TRAPPC12: variants seen among roughly 807,000 people sequenced by gnomAD.
The protein encoded by TRAPPC12 is trafficking protein particle complex subunit 12.
Under a neutral mutation model 69.2 loss-of-function variants are expected in TRAPPC12, and 61 were observed. The ratio of observed to expected loss-of-function variants is 0.88; its 90% CI spans 0.72 to 1.09. The LOEUF (loss-of-function observed/expected upper bound fraction) is 1.09, where lower values mean the gene tolerates loss of function less well. Ranked by LOEUF, TRAPPC12 falls within the 50% of genes least tolerant of loss-of-function variation. TRAPPC12 has a pLI of 0.00. For synonymous variants in TRAPPC12, 469 were observed against 438.9 expected, an observed-to-expected ratio of 1.07 and a Z score of -0.86; for missense variants, 1,101 against 1,016.4, an observed-to-expected ratio of 1.08 and a Z score of -1.13.
At chr2:3,453,602 A>C (rs188280216) in intron 6 of TRAPPC12, among the ~76,000 whole-genome samples, 2 of 152,144 alleles carry the variant, frequency 1.3e-5, no homozygotes, top group Non-Finnish European at 2.9e-5. Flanking sequence ...CCTCTTCCCA[A>C]ACGAACCGGG....
intron 1 of TRAPPC12, among the ~76,000 whole-genome samples, chr2:3,383,094 A>G (rs1266721673): frequency 6.6e-6 from 1 of 152,186 alleles, no homozygotes; most frequent in Non-Finnish European, 1.5e-5. Flanking sequence ...GTTCAAAGGT[A>G]TACCTCTTTC....
chr2:3,433,162 G>A (rs1040687794), intron 5 of TRAPPC12, among the ~76,000 whole-genome samples: 5 of 152,140 alleles, frequency 3.3e-5, no homozygotes, highest in African/African-American at 4.8e-5. Context: ...TATCCCCAGC[G>A]TTGAGCACAG....
chr2:3,470,686 T>G (rs1666024717), intron 9 of TRAPPC12, among the ~76,000 whole-genome samples: 2 of 152,186 alleles, frequency 1.3e-5, no homozygotes, highest in Admixed American at 6.5e-5. Context: ...CTGAGAAAGA[T>G]ACATACAGCC....
chr2:3,424,608 T>C lies in TRAPPC12; in HGVS notation c.1362T>C (p.Leu454=), dbSNP rs758758201. The C allele has an allele frequency of 1.2e-6, 2 of 1,614,138 alleles. No homozygotes were observed. Among genetic ancestry groups the C allele is most frequent in the Admixed American group, 1.7e-5 (1 of 59,996 alleles). ...TGGAATTTGAACCCTTCGGAAATCT[T>C]GATCAGCCAGATCTTTATTACGAGT... The part of the protein sequence containing the change: ...AEMEFEPFGN[L]DQPDLYYEYY... The change falls in exon 5 of 12, where the codon CTT becomes CTC. Residue 454 remains leucine, a synonymous_variant. Coordinates refer to ENST00000324266, the MANE Select transcript of TRAPPC12 (RefSeq NM_016030.6).
chr2:3,471,247 G>A (rs1269901100), intron 9 of TRAPPC12, among the ~76,000 whole-genome samples: 1 of 152,214 alleles, frequency 6.6e-6, no homozygotes, highest in Non-Finnish European at 1.5e-5. Flanking sequence ...ACTGAGCAAA[G>A]GGTCACCTGT....
chr2:3,401,965 A>G, intron 3 of TRAPPC12, 72 bp downstream of exon 3: 2 of 1,050,106 alleles, frequency 1.9e-6, no homozygotes, highest in Non-Finnish European at 2.7e-6. Context: ...TATTTTCTCT[A>G]GAAGTCAATT....
intron 5 of TRAPPC12, among the ~76,000 whole-genome samples, chr2:3,436,150 C>G (rs897129178): frequency 1.3e-5 from 2 of 152,166 alleles, no homozygotes; most frequent in Non-Finnish European, 2.9e-5. Context: ...AAGACTGCAG[C>G]TGGTCAGAAT....
chr2:3,409,750 TAAAAAAAAAA>T (rs71396989), intron 3 of TRAPPC12, among the ~76,000 whole-genome samples: 55 of 54,914 alleles, frequency 1.0e-3, no homozygotes, highest in Admixed American at 2.5e-3. Context: ...ACTTTGTCTT[TAAAAAAAAAA>T]AAAAAAAAAA....
intron 2 of TRAPPC12, among the ~76,000 whole-genome samples, chr2:3,397,701 G>T (rs1032679997): frequency 2.0e-5 from 3 of 152,198 alleles, no homozygotes; most frequent in Non-Finnish European, 4.4e-5. Flanking sequence ...AACCACAAAG[G>T]ATTATGTAGG....
chr2:3,394,358 C>T (rs1660994887), intron 2 of TRAPPC12, among the ~76,000 whole-genome samples: 2 of 152,172 alleles, frequency 1.3e-5, no homozygotes, highest in Non-Finnish European at 1.5e-5. Flanking sequence ...CATGGTGGCT[C>T]ACACCTGTAA....
rs1175246565 is a variant in TRAPPC12, at chr2:3,442,037, C to T, written c.1418-1742C>T. Among the ~76,000 whole-genome samples the T allele has an allele frequency of 3.9e-5, 6 of 152,206 alleles. No individual in the cohort carries two copies. In the East Asian group the frequency reaches 9.6e-4, roughly 24 times the overall value. ...AGGAGTCACACAGCCTGTTTTCTCA[C>T]CATCCACCAAACTGTATTCCAGATC... On this transcript the variant is annotated intron_variant, in intron 5 of 11. Transcript: ENST00000324266.
chr2:3,415,827 C>T (rs1446444388), intron 3 of TRAPPC12, among the ~76,000 whole-genome samples: 2 of 152,066 alleles, frequency 1.3e-5, no homozygotes, highest in East Asian at 3.9e-4. Flanking sequence ...CACCATTCTC[C>T]TGCCTCAGCC....
At chr2:3,411,292 G>A (rs1403526437) in intron 3 of TRAPPC12, among the ~76,000 whole-genome samples, 1 of 152,200 alleles carries the variant, frequency 6.6e-6, no homozygotes, top group Non-Finnish European at 1.5e-5. Context: ...CAGAGACTGA[G>A]GGCGTCACTG....
chr2:3,404,144 ATGACCCAGATCGCG>A (rs960522853), intron 3 of TRAPPC12, among the ~76,000 whole-genome samples: 1 of 152,104 alleles, frequency 6.6e-6, no homozygotes, highest in African/African-American at 2.4e-5. Flanking sequence ...CCCGGCTGTG[ATGACCCAGATCGCG>A]GTTGTGTGAG....
At chr2:3,386,126 G>A (rs1191874307) in intron 1 of TRAPPC12, among the ~76,000 whole-genome samples, 1 of 152,124 alleles carries the variant, frequency 6.6e-6, no homozygotes, top group African/African-American at 2.4e-5. Context: ...ATAATGTTTT[G>A]GGAAGGCTGA....
intron 2 of TRAPPC12, among the ~76,000 whole-genome samples, chr2:3,393,622 T>C (rs1362690825): frequency 6.6e-6 from 1 of 151,896 alleles, no homozygotes; most frequent in African/African-American, 2.4e-5. Context: ...CTTGAATATA[T>C]ATAATTTGTA....
Position 3,414,184 on chromosome 2 carries a change from G to A in TRAPPC12, c.1165-7697G>A, listed in dbSNP as rs1485040524. Among the ~76,000 whole-genome samples the A allele has an allele frequency of 1.3e-5, 2 of 152,160 alleles. No individual in the cohort carries two copies. Among genetic ancestry groups the A allele is most frequent in the Non-Finnish European group, 2.9e-5 (2 of 68,038 alleles). On this transcript the variant is annotated intron_variant, in intron 3 of 11. Coordinates refer to ENST00000324266, the MANE Select transcript of TRAPPC12 (RefSeq NM_016030.6). The surrounding 1 kb of genome is among the most constrained non-coding windows in gnomAD (Gnocchi z 4.9). ...GGATATAATTAATTTTTAGCACATA[G>A]TATGTTGCATATGTGATTTAATTAT... is the stretch of plus-strand genomic sequence containing the variant.
In TRAPPC12 at chr2:3,388,256, A is replaced by G. The variant is rs775301652; in HGVS notation, c.633A>G (p.Gly211=). The G allele has an allele frequency of 1.6e-4, 254 of 1,608,248 alleles. No homozygotes were observed. Among genetic ancestry groups the G allele is most frequent in the Middle Eastern group, 8.2e-4 (5 of 6,066 alleles). ...QPSPSLSTFF[G]DTAASHSLAS... ...GCCCCAGCCTCAGCACGTTCTTCGG[A>G]GACACGGCCGCCAGCCACTCCTTGG... is the stretch of plus-strand genomic sequence containing the variant. The change falls in exon 2 of 12, where the codon GGA becomes GGG. Residue 211 remains glycine, a synonymous_variant. Transcript: ENST00000324266.
intron 6 of TRAPPC12, among the ~76,000 whole-genome samples, chr2:3,453,591 G>A (rs1399123347): frequency 6.6e-6 from 1 of 152,206 alleles, no homozygotes; most frequent in Non-Finnish European, 1.5e-5. Flanking sequence ...ACTCCTCAGA[G>A]CCTCTTCCCA....
Sources: gnomAD v4.1 joint callset for allele counts (sites outside exome capture counted in the v4.1 genomes callset) on GRCh38, gnomAD v4.1.1 for gene constraint, Gnocchi (gnomAD v3.1) non-coding constraint, MANE v1.5 for transcripts, NCBI Gene and HGNC (gene_info 2026-07-23, HGNC 2026-07-21) for gene names.